Variants in TFPI observed in about 807,000 individuals in gnomAD.
TFPI encodes anti-convertin.
TFPI carries 15 observed loss-of-function variants against 34.6 expected under a neutral mutation model. The observed-to-expected ratio is 0.43, with a 90% confidence interval of 0.29 to 0.67. The LOEUF (loss-of-function observed/expected upper bound fraction) is 0.67, where lower values mean the gene tolerates loss of function less well. Ranked by LOEUF, TFPI falls within the 30% of genes least tolerant of loss-of-function variation. The pLI, the probability that TFPI is intolerant of heterozygous loss-of-function variation, is 0.15. For synonymous variants in TFPI, 105 were observed against 120.1 expected (o/e 0.87, Z 0.82); for missense variants, 301 against 364.0 (o/e 0.83, Z 1.41).
chr2:187,496,806 C>T, intron 3 of TFPI, 75 bp downstream of exon 3: 1 of 1,320,166 alleles, frequency 7.6e-7, no homozygotes, highest in Non-Finnish European at 1.0e-6. Context: ...TACTTTTCTC[C>T]CTAAATTATC....
At chr2:187,546,781 GTTTC>G (rs1187285022) in intron 1 of TFPI, 2 of 151,936 alleles carry the variant, frequency 1.3e-5, no homozygotes, top group African/African-American at 4.8e-5. Context: ...CAAAACATCT[GTTTC>G]CTGAAGAGTT....
At chr2:187,475,124 C>T (rs1192178535) in intron 6 of TFPI, among the ~76,000 whole-genome samples, 1 of 152,162 alleles carries the variant, frequency 6.6e-6, no homozygotes, top group Non-Finnish European at 1.5e-5. Context: ...GACAAACTTA[C>T]ACTTTTATTA....
At chr2:187,478,884 G>A (rs879017594) in intron 6 of TFPI, 54 of 1,194,918 alleles carry the variant, frequency 4.5e-5, no homozygotes, top group Admixed American at 7.3e-5. Flanking sequence ...GAGGGTGGGG[G>A]AAGTCTATAA....
At chr2:187,539,374 G>A (rs1688448490) in intron 1 of TFPI, among the ~76,000 whole-genome samples, 1 of 151,992 alleles carries the variant, frequency 6.6e-6, no homozygotes, top group Non-Finnish European at 1.5e-5. Flanking sequence ...AAGGTAGTGT[G>A]AAAAAATGAG....
At chr2:187,542,188 G>A (rs778964670) in intron 1 of TFPI, among the ~76,000 whole-genome samples, 1 of 152,082 alleles carries the variant, frequency 6.6e-6, no homozygotes, top group African/African-American at 2.4e-5. Context: ...TGTAAGAAAA[G>A]TAAAATAAAT....
chr2:187,486,322 G>C (rs1394481074), intron 4 of TFPI, among the ~76,000 whole-genome samples: 1 of 151,466 alleles, frequency 6.6e-6, no homozygotes, highest in Non-Finnish European at 1.5e-5. Flanking sequence ...TACTTTTTAT[G>C]AAATTTTAAA....
chr2:187,545,714 G>A (rs531106982), intron 1 of TFPI, among the ~76,000 whole-genome samples: 13 of 151,672 alleles, frequency 8.6e-5, no homozygotes, highest in Non-Finnish European at 1.9e-4. Context: ...TAATATTTGA[G>A]CAAAAGTTAA....
At chr2:187,496,752 G>T (rs1574426613) in intron 3 of TFPI, 129 bp downstream of exon 3, 1 of 836,066 alleles carries the variant, frequency 1.2e-6, no homozygotes, top group Non-Finnish European at 1.8e-6. Context: ...GTCTAAAAAT[G>T]TGGAAATAAA....
chr2:187,495,010 A>G (rs1246686519), intron 3 of TFPI, among the ~76,000 whole-genome samples: 1 of 152,224 alleles, frequency 6.6e-6, no homozygotes, highest in Non-Finnish European at 1.5e-5. Context: ...GGTGTGAGCC[A>G]CTGCACCCAG....
intron 3 of TFPI, among the ~76,000 whole-genome samples, chr2:187,493,104 A>G (rs1257832841): frequency 6.6e-6 from 1 of 152,142 alleles, no homozygotes; most frequent in Non-Finnish European, 1.5e-5. Flanking sequence ...GAGGTTCTCC[A>G]TGAGAGCCCC....
At chr2:187,537,679 C>T (rs560726461) in intron 1 of TFPI, among the ~76,000 whole-genome samples, 35 of 152,220 alleles carry the variant, frequency 2.3e-4, no homozygotes, top group Non-Finnish European at 4.0e-4. Context: ...TAGGCATGGC[C>T]GAAGACTTCA....
intron 1 of TFPI, among the ~76,000 whole-genome samples, chr2:187,529,904 A>G (rs1336294741): frequency 1.3e-5 from 2 of 152,172 alleles, no homozygotes; most frequent in Non-Finnish European, 1.5e-5. Context: ...TATCAATCAC[A>G]TTTCTATTGA....
intron 1 of TFPI, among the ~76,000 whole-genome samples, chr2:187,532,613 C>T (rs1376680117): frequency 2.6e-5 from 4 of 152,196 alleles, no homozygotes; most frequent in South Asian, 2.1e-4. Context: ...CGCGTGCTTA[C>T]GCCATTGAGG....
intron 1 of TFPI, among the ~76,000 whole-genome samples, chr2:187,532,605 C>T (rs981902582): frequency 4.3e-4 from 66 of 152,294 alleles, no homozygotes; most frequent in African/African-American, 1.5e-3. Context: ...GATTCCATCG[C>T]GTGCTTACGC....
chr2:187,547,249 G>A (rs1688914006), intron 1 of TFPI: 1 of 152,148 alleles, frequency 6.6e-6, no homozygotes, highest in African/African-American at 2.4e-5. Flanking sequence ...CCTGAGACTG[G>A]ATTTCTAGAA....
At chr2:187,488,082 A>G (rs2106031867) in intron 4 of TFPI, among the ~76,000 whole-genome samples, 1 of 151,492 alleles carries the variant, frequency 6.6e-6, no homozygotes, top group South Asian at 2.1e-4. Context: ...TATAATGTAT[A>G]TATTTTCCTA....
intron 1 of TFPI, among the ~76,000 whole-genome samples, chr2:187,543,039 A>C (rs1381547434): frequency 6.6e-6 from 1 of 152,170 alleles, no homozygotes; most frequent in Non-Finnish European, 1.5e-5. Flanking sequence ...AAGAAGCAAG[A>C]CTTTGACAGG....
At chr2:187,476,856 GTAT>G (rs1241126439) in intron 6 of TFPI, among the ~76,000 whole-genome samples, 1 of 151,952 alleles carries the variant, frequency 6.6e-6, no homozygotes, top group East Asian at 1.9e-4. Context: ...TATCAAATTA[GTAT>G]TATTTATTAG....
Position 187,503,658 on chromosome 2 carries a change from T to G in TFPI, c.111A>C (p.Thr37=). The G allele has an allele frequency of 6.2e-7, 1 of 1,612,606 alleles. No individual in the cohort carries two copies. Among genetic ancestry groups the G allele is most frequent in the Non-Finnish European group, 8.5e-7 (1 of 1,179,034 alleles). Residue 37 remains threonine, a synonymous_variant, in exon 2 of 8, where the codon ACA becomes ACC. Transcript: ENST00000233156. ...CTTCTAATATTTTACCTGTGATAAT[T>G]GTGTGTTCTTCATCTTCCTCAGAAT... ...NADSEEDEEH[T]IITDTELPPL... is the part of the protein sequence containing the mutation.
Sources: gnomAD v4.1 joint callset for allele counts (sites outside exome capture counted in the v4.1 genomes callset) on GRCh38, gnomAD v4.1.1 for gene constraint, MANE v1.5 for transcripts, NCBI Gene and HGNC (gene_info 2026-07-23, HGNC 2026-07-21) for gene names.